The following NFIB variants were observed in gnomAD, a reference collection of about 807,000 sequenced individuals.
The protein encoded by NFIB is nuclear factor 1 B-type.
Under a neutral mutation model 61.5 loss-of-function variants are expected in NFIB, and 11 were observed. That is an observed-to-expected ratio of 0.18 (90% CI 0.11 to 0.30). The LOEUF (loss-of-function observed/expected upper bound fraction) is 0.30, where lower values mean the gene tolerates loss of function less well. Among genes scored for constraint, NFIB ranks in the 10% least tolerant of loss-of-function variants. The pLI, the probability that NFIB is intolerant of heterozygous loss-of-function variation, is 1.00. For missense variants in NFIB, 471 were observed against 608.9 expected, an observed-to-expected ratio of 0.77 and a Z score of 2.38; for synonymous variants, 260 against 216.5, an observed-to-expected ratio of 1.20 and a Z score of -1.76.
At chr9:14,115,832 A>T (rs2038047077) in intron 9 of NFIB, among the ~76,000 whole-genome samples, 1 of 152,200 alleles carries the variant, frequency 6.6e-6, no homozygotes, top group Admixed American at 6.5e-5. Context: ...TCCAATAAGT[A>T]CCAATTACCT....
At chr9:14,299,800 A>C (rs1301164411) in intron 2 of NFIB, among the ~76,000 whole-genome samples, 1 of 152,244 alleles carries the variant, frequency 6.6e-6, no homozygotes, top group Non-Finnish European at 1.5e-5. Context: ...TTTACTATAA[A>C]CAATATAGTT....
intron 2 of NFIB, among the ~76,000 whole-genome samples, chr9:14,293,225 T>C (rs2059213564): frequency 6.6e-6 from 1 of 152,204 alleles, no homozygotes; most frequent in African/African-American, 2.4e-5. Flanking sequence ...GTAGTCTCAT[T>C]TGCATGATCT....
chr9:14,380,913 A>G (rs903380050), intron 1 of NFIB, among the ~76,000 whole-genome samples: 2 of 151,746 alleles, frequency 1.3e-5, no homozygotes. Flanking sequence ...TTCTTCCAGC[A>G]CTCAGATCTC....
At chr9:14,369,475 T>C (rs1359765978) in intron 1 of NFIB, among the ~76,000 whole-genome samples, 6 of 152,158 alleles carry the variant, frequency 3.9e-5, no homozygotes, top group Admixed American at 3.9e-4. Context: ...TTCCATGTTG[T>C]TGATGCCTTC....
the NFIB span, among the ~76,000 whole-genome samples, chr9:14,448,473 G>A: frequency 4.4e-3 from 671 of 152,288 alleles, 9 homozygotes; most frequent in African/African-American, 0.015. Flanking sequence ...TCCCATGAGA[G>A]TGGCAGTAAT....
At chr9:14,211,173 T>G (rs2131724738) in intron 2 of NFIB, among the ~76,000 whole-genome samples, 1 of 152,334 alleles carries the variant, frequency 6.6e-6, no homozygotes, top group African/African-American at 2.4e-5. Flanking sequence ...TGCTCTTAGC[T>G]TAATCCTCTA....
chr9:14,374,695 C>T (rs554915460), intron 1 of NFIB, among the ~76,000 whole-genome samples: 15 of 152,200 alleles, frequency 9.9e-5, no homozygotes, highest in South Asian at 6.2e-4. Flanking sequence ...GGATCACTTG[C>T]GGTCGGGAGT....
At chr9:14,347,588 G>GGGAGAA (rs1564023015) in intron 1 of NFIB, among the ~76,000 whole-genome samples, 2 of 151,274 alleles carry the variant, frequency 1.3e-5, no homozygotes, top group Non-Finnish European at 2.9e-5. Context: ...GATTGGGAGA[G>GGGAGAA]GGGAGAAGGG....
At chr9:14,166,978 T>C (rs2044874522) in intron 3 of NFIB, among the ~76,000 whole-genome samples, 1 of 151,992 alleles carries the variant, frequency 6.6e-6, no homozygotes. Flanking sequence ...AATTTTTTTC[T>C]AGTTCTTTAT....
intron 10 of NFIB, among the ~76,000 whole-genome samples, chr9:14,110,828 A>G (rs2118998468): frequency 6.6e-6 from 1 of 152,220 alleles, no homozygotes; most frequent in East Asian, 1.9e-4. Flanking sequence ...ATTTATTTAC[A>G]GGTATTTTCT....
chr9:14,509,988 C>T, the NFIB span, among the ~76,000 whole-genome samples: 8,585 of 152,208 alleles, frequency 0.056, 261 homozygotes, highest in Non-Finnish European at 0.064. Flanking sequence ...CCTTCGCTTC[C>T]CAGGTTCAAG....
intron 6 of NFIB, among the ~76,000 whole-genome samples, chr9:14,126,752 A>G (rs1441434260): frequency 6.6e-6 from 1 of 152,234 alleles, no homozygotes; most frequent in African/African-American, 2.4e-5. Context: ...TCACAATGAC[A>G]GTTTAAAACA....
chr9:14,205,569 C>T (rs1051021724), intron 2 of NFIB, among the ~76,000 whole-genome samples: 6 of 151,996 alleles, frequency 3.9e-5, no homozygotes, highest in Admixed American at 6.5e-5. Context: ...GAGACTGTTC[C>T]GCAAGTTTAA....
At chr9:14,222,352 T>C (rs2051777953) in intron 2 of NFIB, among the ~76,000 whole-genome samples, 1 of 152,176 alleles carries the variant, frequency 6.6e-6, no homozygotes, top group African/African-American at 2.4e-5. Flanking sequence ...TTGCATCAGA[T>C]GGCATTCAGG....
intron 10 of NFIB, among the ~76,000 whole-genome samples, chr9:14,098,612 C>T (rs1284690348): frequency 3.9e-5 from 6 of 152,202 alleles, no homozygotes; most frequent in Admixed American, 3.9e-4. Context: ...AGACAAAGCA[C>T]AAACACAACA....
At chr9:14,469,254 G>C in the NFIB span, among the ~76,000 whole-genome samples, 1 of 152,192 alleles carries the variant, frequency 6.6e-6, no homozygotes, top group Admixed American at 6.5e-5. Context: ...ACGGCAAAAA[G>C]ATATAAGCCT....
intron 10 of NFIB, among the ~76,000 whole-genome samples, chr9:14,098,929 T>C (rs182004028): frequency 1.6e-3 from 240 of 152,364 alleles, no homozygotes; most frequent in African/African-American, 5.2e-3. Context: ...CTTTGGTTCC[T>C]AAGGGAATGC....
At chr9:14,165,939 C>T (rs935751790) in intron 3 of NFIB, among the ~76,000 whole-genome samples, 1 of 152,092 alleles carries the variant, frequency 6.6e-6, no homozygotes, top group Non-Finnish European at 1.5e-5. Flanking sequence ...TGCACAATGA[C>T]GTGAATACAT....
At chr9:14,149,519 GA>G (rs1029774711) in intron 5 of NFIB, among the ~76,000 whole-genome samples, 70 of 147,760 alleles carry the variant, frequency 4.7e-4, no homozygotes, top group African/African-American at 6.9e-4. Flanking sequence ...AGAAGATCAG[GA>G]AAAAAAAAAT....
Sources: allele counts gnomAD v4.1 joint callset (sites outside exome capture counted in the v4.1 genomes callset), GRCh38; gene constraint gnomAD v4.1.1; transcripts MANE v1.5; gene names NCBI Gene and HGNC (gene_info 2026-07-23, HGNC 2026-07-21).